The following AKAP7 variants were observed in gnomAD, a reference collection of about 807,000 sequenced individuals.
The protein encoded by AKAP7 is A kinase (PRKA) anchor protein 7.
AKAP7 carries 39 observed loss-of-function variants against 39.5 expected under a neutral mutation model. The observed-to-expected ratio is 0.99, with a 90% CI of 0.76 to 1.29. AKAP7 has a LOEUF of 1.29. AKAP7 is among the 50% of genes most tolerant of loss of function. The pLI is 0.00. For synonymous variants in AKAP7, 140 were observed against 139.1 expected, an observed-to-expected ratio of 1.01 and a Z score of -0.05; for missense variants, 414 against 407.7, an observed-to-expected ratio of 1.02 and a Z score of -0.13.
At chr6:131,180,071 C>G (rs1805004299) in intron 5 of AKAP7, among the ~76,000 whole-genome samples, 1 of 152,160 alleles carries the variant, frequency 6.6e-6, no homozygotes, top group African/African-American at 2.4e-5. Context: ...TGTTGCTGCC[C>G]CAGCCCCCTG....
intron 7 of AKAP7, among the ~76,000 whole-genome samples, chr6:131,231,794 T>C (rs1336761706): frequency 2.0e-5 from 3 of 152,200 alleles, no homozygotes; most frequent in Non-Finnish European, 4.4e-5. Context: ...AACCTTTGAC[T>C]TGCTAAATAC....
At chr6:131,237,779 A>G (rs1255289116) in intron 7 of AKAP7, among the ~76,000 whole-genome samples, 1 of 152,006 alleles carries the variant, frequency 6.6e-6, no homozygotes, top group Non-Finnish European at 1.5e-5. Flanking sequence ...TATTGCGTCT[A>G]TTTGATTCTT....
At position 131,282,999 on chromosome 6, in the gene AKAP7, A is replaced by C; in HGVS notation, c.*1273A>C. The C allele has an allele frequency of 6.2e-6, 1 of 161,206 alleles. No homozygotes were observed. The allele number at this position is 161,206 out of a possible 1,614,324, so 10.0% of individuals were successfully genotyped here. A position where few individuals can be genotyped will look rare whatever the true frequency, so the allele number is the denominator to read the frequency against. ...GACACAATTGTTGCTAAATCAAAAG[A>C]AGCGTTGTCCAGGTGTGTCTACATC... On this transcript the variant is annotated 3_prime_UTR_variant, in exon 8 of 8. Transcript: ENST00000431975.
chr6:131,189,720 T>C (rs1220298779), intron 5 of AKAP7, among the ~76,000 whole-genome samples: 2 of 152,232 alleles, frequency 1.3e-5, no homozygotes, highest in African/African-American at 2.4e-5. Context: ...GTTGTTTCTC[T>C]ATTAAATTGT....
chr6:131,200,102 C>T (rs528707892), intron 6 of AKAP7: 1 of 155,680 alleles, frequency 6.4e-6, no homozygotes, highest in South Asian at 2.0e-4. Context: ...TGAGGGACCC[C>T]CTTTCCTGGA....
intron 7 of AKAP7, among the ~76,000 whole-genome samples, chr6:131,225,662 GT>G (rs934180013): frequency 4.0e-5 from 6 of 151,536 alleles, no homozygotes; most frequent in African/African-American, 1.2e-4. Flanking sequence ...TTTTCTTCTA[GT>G]TTTTTTTGTT....
intron 4 of AKAP7, among the ~76,000 whole-genome samples, chr6:131,165,837 T>A (rs1331026353): frequency 1.3e-5 from 2 of 152,134 alleles, no homozygotes; most frequent in African/African-American, 4.8e-5. Context: ...CTTCCCCCAA[T>A]TTTCTGGGAC....
chr6:131,222,251 C>T (rs1010063063), intron 7 of AKAP7, among the ~76,000 whole-genome samples: 10 of 152,152 alleles, frequency 6.6e-5, no homozygotes, highest in South Asian at 2.1e-4. Context: ...AATGGCCAGG[C>T]GCGGTGGCTC....
chr6:131,146,836 A>C (rs1433459713), intron 2 of AKAP7, among the ~76,000 whole-genome samples: 3 of 152,210 alleles, frequency 2.0e-5, no homozygotes, highest in Non-Finnish European at 4.4e-5. Flanking sequence ...TTTGTTAGTC[A>C]TTTCTTTGAT....
chr6:131,155,081 G>T (rs1167737677), intron 2 of AKAP7, among the ~76,000 whole-genome samples: 1 of 151,954 alleles, frequency 6.6e-6, no homozygotes, highest in Non-Finnish European at 1.5e-5. Flanking sequence ...GAGTACAGTG[G>T]CATGATCATA....
upstream of AKAP7, among the ~76,000 whole-genome samples, chr6:131,134,251 C>T (rs978377047): frequency 2.6e-5 from 4 of 152,140 alleles, no homozygotes; most frequent in Non-Finnish European, 5.9e-5. Flanking sequence ...GGGTTACAAG[C>T]GTGAGCCACT....
intron 7 of AKAP7, among the ~76,000 whole-genome samples, chr6:131,277,504 G>A (rs1171252931): frequency 6.6e-6 from 1 of 152,174 alleles, no homozygotes; most frequent in East Asian, 1.9e-4. Flanking sequence ...CATTATTGAA[G>A]GACCTACAGT....
intron 1 of AKAP7, among the ~76,000 whole-genome samples, chr6:131,137,964 T>C (rs1800713341): frequency 6.6e-6 from 1 of 152,170 alleles, no homozygotes; most frequent in Non-Finnish European, 1.5e-5. Flanking sequence ...AACTTGGCAT[T>C]TGTTGTTAGC....
intron 7 of AKAP7, among the ~76,000 whole-genome samples, chr6:131,223,486 G>T (rs548427923): frequency 1.3e-5 from 2 of 152,242 alleles, no homozygotes; most frequent in East Asian, 3.9e-4. Context: ...TCAGTATGTC[G>T]TTTGAATTTT....
At chr6:131,246,099 A>G (rs1292668537) in intron 7 of AKAP7, among the ~76,000 whole-genome samples, 4 of 148,558 alleles carry the variant, frequency 2.7e-5, no homozygotes, top group African/African-American at 9.9e-5. Flanking sequence ...GTCCAAATAT[A>G]TATATATATA....
chr6:131,278,417 G>A (rs925780273), intron 7 of AKAP7, among the ~76,000 whole-genome samples: 2 of 152,202 alleles, frequency 1.3e-5, no homozygotes, highest in Non-Finnish European at 2.9e-5. Context: ...TACATGCAGT[G>A]AGAGTTATTA....
chr6:131,128,281 G>A, the AKAP7 span, among the ~76,000 whole-genome samples: 4 of 152,004 alleles, frequency 2.6e-5, no homozygotes, highest in African/African-American at 9.7e-5. Flanking sequence ...AAGTGGTTAC[G>A]AAACACATGA....
chr6:131,242,205 C>T, intron 7 of AKAP7: 1 of 983,688 alleles, frequency 1.0e-6, no homozygotes, highest in Non-Finnish European at 1.2e-6. Context: ...TATCTTGATT[C>T]TGGCTATGAG....
intron 7 of AKAP7, among the ~76,000 whole-genome samples, chr6:131,241,863 T>C (rs780295165): frequency 2.0e-5 from 3 of 152,088 alleles, no homozygotes; most frequent in Non-Finnish European, 4.4e-5. Context: ...GTTAATTGTT[T>C]CTTGTTGGTC....
Sources: allele counts gnomAD v4.1 joint callset (sites outside exome capture counted in the v4.1 genomes callset), GRCh38; gene constraint gnomAD v4.1.1; transcripts MANE v1.5; gene names NCBI Gene and HGNC (gene_info 2026-07-23, HGNC 2026-07-21).